DSTYK: variants seen among roughly 807,000 people sequenced by gnomAD.
DSTYK encodes the protein dual serine/threonine and tyrosine protein kinase.
In DSTYK, 34 loss-of-function variants were observed where a neutral mutation model predicts 98.7. The ratio of observed to expected loss-of-function variants is 0.34; its 90% CI spans 0.26 to 0.46. The LOEUF is 0.46. Among genes scored for constraint, DSTYK ranks in the 20% least tolerant of loss-of-function variants. The pLI, the probability that DSTYK is intolerant of heterozygous loss-of-function variation, is 1.00. For synonymous variants in DSTYK, 462 were observed against 457.3 expected (o/e 1.01, Z -0.13); for missense variants, 962 against 1,181.7 (o/e 0.81, Z 2.73).
At chr1:205,156,715 A>C (rs1184528422) in intron 10 of DSTYK, among the ~76,000 whole-genome samples, 1 of 152,170 alleles carries the variant, frequency 6.6e-6, no homozygotes, top group Non-Finnish European at 1.5e-5. Context: ...ATGAGTTAAG[A>C]CTTTGGGGAA....
chr1:205,160,546 G>A (rs528733525), intron 7 of DSTYK, among the ~76,000 whole-genome samples: 1 of 151,932 alleles, frequency 6.6e-6, no homozygotes, highest in East Asian at 1.9e-4. Flanking sequence ...ACATTGCCCA[G>A]GGTGGTCCCG....
In DSTYK at chr1:205,209,893, C is replaced by CTATTATTATTATTATTAT. The variant is rs372431377; in HGVS notation, c.265+1360_265+1377dup. Among the ~76,000 whole-genome samples the CTATTATTATTATTATTAT allele has an allele frequency of 6.3e-4, 94 of 150,164 alleles. 1 individual carries two copies. The highest frequency in any genetic ancestry group is 1.9e-3 in the African/African-American group (76 of 40,808). ...CCTTCCCCAGTGTCTTTTATTATTA[C>CTATTATTATTATTATTAT]TATTATTATTATTATTATTATTATT... On this transcript the variant is annotated intron_variant, in intron 1 of 12. Coordinates refer to ENST00000367162, the MANE Select transcript of DSTYK (RefSeq NM_015375.3).
Position 205,211,599 on chromosome 1 carries a change from C to A in DSTYK, c.-64G>T. 1 of 1,408,440 alleles carries A rather than the reference C, an allele frequency of 7.1e-7. No homozygotes were observed. The highest frequency in any genetic ancestry group is 1.5e-5 in the South Asian group (1 of 64,550). 87.2% of individuals were successfully genotyped at this position (1,408,440 alleles called of 1,614,324 possible). Reference sequence around the variant, plus strand: ...CCGCAGGCCCGGCCTCCCTCCTCCCCGCCCCCCAGTGCCGAAGGGAGGAGG... The same window carrying A: ...CCGCAGGCCCGGCCTCCCTCCTCCCAGCCCCCCAGTGCCGAAGGGAGGAGG... On this transcript the variant is annotated 5_prime_UTR_variant, in exon 1 of 13. Coordinates refer to ENST00000367162, the MANE Select transcript of DSTYK (RefSeq NM_015375.3).
chr1:205,197,049 G>A (rs1261269794), intron 1 of DSTYK, among the ~76,000 whole-genome samples: 3 of 151,768 alleles, frequency 2.0e-5, no homozygotes, highest in Non-Finnish European at 4.4e-5. Context: ...ACAGGCATGA[G>A]CCACTGCGCC....
At chr1:205,198,146 T>C (rs1431226267) in intron 1 of DSTYK, among the ~76,000 whole-genome samples, 4 of 151,574 alleles carry the variant, frequency 2.6e-5, no homozygotes, top group Non-Finnish European at 5.9e-5. Context: ...TGAGCCAAGA[T>C]CACGCCATTG....
chr1:205,174,089 A>G (rs952074751), intron 2 of DSTYK, among the ~76,000 whole-genome samples: 1 of 151,550 alleles, frequency 6.6e-6, no homozygotes, highest in African/African-American at 2.4e-5. Context: ...AAAGAAATGA[A>G]TTTTGGAAGT....
chr1:205,209,799 T>G (rs1659316882), intron 1 of DSTYK, among the ~76,000 whole-genome samples: 1 of 152,102 alleles, frequency 6.6e-6, no homozygotes, highest in African/African-American at 2.4e-5. Context: ...TTCTAAGCCT[T>G]GTGTTCAAAT....
rs1017736459 is a variant in DSTYK at position 205,187,430 on chromosome 1, A to G, written c.642T>C (p.His214=). 1.9e-6 allele frequency: 3 copies of G among 1,610,888 alleles called. No homozygotes were observed. The highest frequency in any genetic ancestry group is 2.5e-6 in the Non-Finnish European group (3 of 1,177,724). ...VLAELEVTMH[H]ALLQEVDVVV... ...ATGAGATTGGTACCTGTAAGAGAGC[A>G]TGGTGCATCGTTACCTCCAGTTCCG... The change falls in exon 2 of 13, where the codon CAT becomes CAC. Residue 214 remains histidine (H), a synonymous_variant. Transcript: ENST00000367162.
chr1:205,202,104 G>GGGGAAGGGAGAAGGGGAA, intron 1 of DSTYK: 3 of 433,702 alleles, frequency 6.9e-6, no homozygotes, highest in South Asian at 5.2e-5. Context: ...GAAGGGAGAG[G>GGGGAAGGGAGAAGGGGAA]GGGAAGGGAG....
At chr1:205,204,751 C>T (rs1659151502) in intron 1 of DSTYK, among the ~76,000 whole-genome samples, 1 of 152,190 alleles carries the variant, frequency 6.6e-6, no homozygotes, top group South Asian at 2.1e-4. Flanking sequence ...CCCTTATTTG[C>T]TCATTTTCTT....
chr1:205,178,597 C>T (rs116367629), intron 2 of DSTYK, among the ~76,000 whole-genome samples: 1,700 of 152,202 alleles, frequency 0.011, 28 homozygotes, highest in African/African-American at 0.038. Flanking sequence ...TTATGAAGAA[C>T]GTTCTCTCTA....
chr1:205,191,252 A>T (rs781630143), intron 1 of DSTYK, among the ~76,000 whole-genome samples: 1 of 152,222 alleles, frequency 6.6e-6, no homozygotes, highest in African/African-American at 2.4e-5. Flanking sequence ...TTCTCCCACT[A>T]AATCTTTAGC....
At chr1:205,191,990 C>T (rs987217523) in intron 1 of DSTYK, among the ~76,000 whole-genome samples, 4 of 151,890 alleles carry the variant, frequency 2.6e-5, no homozygotes. Flanking sequence ...TAAGTGCAAA[C>T]CAAGGCTTCT....
At chr1:205,164,419 T>A (rs899445103) in intron 3 of DSTYK, among the ~76,000 whole-genome samples, 294 of 150,706 alleles carry the variant, frequency 2.0e-3, no homozygotes, top group African/African-American at 6.7e-3. Context: ...AAAAAAAAAA[T>A]AAATAAGAAG....
At chr1:205,173,832 C>A (rs1658144254) in intron 2 of DSTYK, among the ~76,000 whole-genome samples, 1 of 152,050 alleles carries the variant, frequency 6.6e-6, no homozygotes, top group Non-Finnish European at 1.5e-5. Context: ...GATTCTCCTG[C>A]CTCAGCTTCC....
chr1:205,179,367 T>A (rs184732992), intron 2 of DSTYK, among the ~76,000 whole-genome samples: 249 of 152,186 alleles, frequency 1.6e-3, no homozygotes, highest in Admixed American at 5.2e-3. Context: ...ATGCCTGTAC[T>A]CCCAGCACTT....
rs1657977665 is a variant in DSTYK at position 205,169,221 on chromosome 1, C to T, written c.1266G>A (p.Glu422=). The part of the protein sequence containing the change: ...KQEEMKDMIV[E]TLNTMKEELL... ...GTTCCTCCTTCATGGTATTAAGTGTCTCAACAATCATATCCTTCATTTCCT... is the reference window on the plus strand; with the variant it reads ...GTTCCTCCTTCATGGTATTAAGTGTTTCAACAATCATATCCTTCATTTCCT... The change falls in exon 3 of 13, where the codon GAG becomes GAA. Residue 422 remains glutamate (E), a synonymous_variant. Transcript: ENST00000367162. The surrounding 1 kb of genome is among the most constrained non-coding windows in gnomAD (Gnocchi z 4.0). 6.2e-7 allele frequency: 1 copy of T among 1,613,534 alleles called. No homozygotes were observed. Among genetic ancestry groups the T allele is most frequent in the Non-Finnish European group, 8.5e-7 (1 of 1,179,668 alleles).
intron 10 of DSTYK, among the ~76,000 whole-genome samples, chr1:205,151,125 A>T (rs1205321976): frequency 6.6e-6 from 1 of 152,200 alleles, no homozygotes; most frequent in African/African-American, 2.4e-5. Context: ...GTACAGTAAG[A>T]ATATGGTATA....
chr1:205,148,478 A>G (rs888006379), intron 11 of DSTYK, 139 bp from the exon 12 acceptor site: 1 of 1,025,954 alleles, frequency 9.7e-7, no homozygotes, highest in African/African-American at 1.6e-5. Context: ...CCTGCCAGGT[A>G]GGCAGGGTAC....
Sources: gnomAD v4.1 joint callset for allele counts (sites outside exome capture counted in the v4.1 genomes callset) on GRCh38, gnomAD v4.1.1 for gene constraint, Gnocchi (gnomAD v3.1) non-coding constraint, MANE v1.5 for transcripts, NCBI Gene and HGNC (gene_info 2026-07-23, HGNC 2026-07-21) for gene names.